The following OXA1L variants were observed in gnomAD, a reference collection of about 807,000 sequenced individuals.
OXA1L encodes the protein OXA1L mitochondrial inner membrane insertase.
Under a neutral mutation model 52.2 loss-of-function variants are expected in OXA1L, and 42 were observed. The ratio of observed to expected loss-of-function variants is 0.80; its 90% CI spans 0.63 to 1.04. The LOEUF (loss-of-function observed/expected upper bound fraction) is 1.04. Ranked by LOEUF, OXA1L falls within the 50% of genes least tolerant of loss-of-function variation. The pLI, the probability that OXA1L is intolerant of heterozygous loss-of-function variation, is 0.00. For missense variants in OXA1L, 572 were observed against 555.0 expected (o/e 1.03, Z -0.31); for synonymous variants, 239 against 201.9 (o/e 1.18, Z -1.56).
chr14:22,771,181 G>T lies in OXA1L; in HGVS notation c.1102+1G>T. On this transcript the variant is annotated splice_donor_variant, in intron 8 of 9. Coordinates refer to ENST00000612549, the MANE Select transcript of OXA1L (RefSeq NM_005015.5). LOFTEE classifies it high-confidence loss of function. ...GGCTTCCTAGAGAGCTTCAAAAAAG[G>T]TAAGGGCTCATCCTCTGTGAAAAAG... The T allele has an allele frequency of 1.2e-6, 2 of 1,614,118 alleles. No homozygotes were observed. Among genetic ancestry groups the T allele is most frequent in the Non-Finnish European group, 1.7e-6 (2 of 1,179,986 alleles).
chr14:22,772,576 T>TA lies in OXA1L; in HGVS notation c.*1019dup, dbSNP rs1242295234. ...TTCTATGCACATTTGGATTGCAGTC[T>TA]AGAGGTGTGGCTGATAAGTTGAATG... On this transcript the variant is annotated 3_prime_UTR_variant, in exon 10 of 10. Transcript: ENST00000612549. The TA allele has an allele frequency of 1.3e-5, 2 of 150,224 alleles. No individual in the cohort carries two copies. Among genetic ancestry groups the TA allele is most frequent in the Non-Finnish European group, 2.9e-5 (2 of 67,866 alleles). 9.3% of individuals were successfully genotyped at this position (150,224 alleles called of 1,614,324 possible). A position where few individuals can be genotyped will look rare whatever the true frequency, so the allele number is the denominator to read the frequency against.
chr14:22,770,747 GA>G, intron 6 of OXA1L, 57 bp from the exon 7 acceptor site: 1 of 1,561,232 alleles, frequency 6.4e-7, no homozygotes, highest in Non-Finnish European at 8.8e-7. Context: ...AGAGATTAGA[GA>G]CAGATTCACT....
chr14:22,770,088 TGGCCAGGGTTGGTTAGAAATTTCACA>T, intron 4 of OXA1L, 79 bp from the exon 5 acceptor site: 2 of 1,328,016 alleles, frequency 1.5e-6, no homozygotes, highest in South Asian at 2.4e-5. Flanking sequence ...TCCCAAGGAG[TGGCCAGGGTTGGTTAGAAATTTCACA>T]GGCCAGGTAG....
At position 22,766,688 on chromosome 14, in the gene OXA1L, C is replaced by T. The variant is rs141764826; in HGVS notation, c.-14C>T. On this transcript the variant is annotated 5_prime_UTR_variant, in exon 1 of 10. Coordinates refer to ENST00000612549, the MANE Select transcript of OXA1L (RefSeq NM_005015.5). ...TACTGCGCAGGCGCAAAAGCAAGTC[C>T]TCTTCCGGGCAAAATGGCGATGGGA... 6.1e-4 allele frequency: 992 copies of T among 1,614,274 alleles called. No homozygotes were observed. Among genetic ancestry groups the T allele is most frequent in the Non-Finnish European group, 7.5e-4 (886 of 1,180,050 alleles).
chr14:22,770,331 C>T, intron 5 of OXA1L, 53 bp downstream of exon 5: 2 of 1,526,192 alleles, frequency 1.3e-6, no homozygotes, highest in Non-Finnish European at 1.8e-6. Flanking sequence ...GAAATTTCCT[C>T]TCTGTGTTTC....
At chr14:22,766,896 C>G (rs1208616153) in intron 1 of OXA1L, 132 bp downstream of exon 1, 81 of 1,533,184 alleles carry the variant, frequency 5.3e-5, no homozygotes, top group Non-Finnish European at 6.8e-5. Flanking sequence ...GACCTCGGGT[C>G]ATGTGAGGAC....
rs772958344 is a variant in OXA1L at position 22,766,759 on chromosome 14, C to G, written c.58C>G (p.Arg20Gly). The G allele has an allele frequency of 3.7e-6, 6 of 1,614,178 alleles. No homozygotes were observed. The highest frequency in any genetic ancestry group is 5.1e-6 in the Non-Finnish European group (6 of 1,180,040). ...RELLRLLQSG[R>G]RVHSVAGPSQ... ...GCTTCTGCGCTTGCTACAGTCCGGGCGTCGGGTAAGGATGCCCCGGGGCAG... is the reference window on the plus strand; with the variant it reads ...GCTTCTGCGCTTGCTACAGTCCGGGGGTCGGGTAAGGATGCCCCGGGGCAG... Residue 20 changes from arginine (R) to glycine (G), a missense_variant, in exon 1 of 10, where the codon CGT (arginine) becomes GGT (glycine). Coordinates refer to ENST00000612549, the MANE Select transcript of OXA1L (RefSeq NM_005015.5).
intron 4 of OXA1L, 46 bp from the exon 5 acceptor site, chr14:22,770,147 C>A (rs961708070): frequency 4.9e-6 from 7 of 1,427,264 alleles, no homozygotes; most frequent in Non-Finnish European, 6.9e-6. Flanking sequence ...TTCACCTCCA[C>A]TGATGTAACT....
Position 22,766,694 on chromosome 14 carries a change from C to G in OXA1L, c.-8C>G. The G allele has an allele frequency of 1.2e-6, 2 of 1,614,280 alleles. No individual in the cohort carries two copies. The highest frequency in any genetic ancestry group is 1.7e-6 in the Non-Finnish European group (2 of 1,180,054). On this transcript the variant is annotated 5_prime_UTR_variant, in exon 1 of 10. Transcript: ENST00000612549. ...GCAGGCGCAAAAGCAAGTCCTCTTC[C>G]GGGCAAAATGGCGATGGGACTAATG...
At chr14:22,766,889 C>G in intron 1 of OXA1L, 125 bp downstream of exon 1, 14 of 1,544,526 alleles carry the variant, frequency 9.1e-6, no homozygotes, top group Non-Finnish European at 1.2e-5. Flanking sequence ...ATGTCATGAC[C>G]TCGGGTCATG....
chr14:22,767,331 T>C lies in OXA1L; in HGVS notation c.147T>C (p.Cys49=). ...RLLFPAAPCC[C]RPHYLFLAAS... ...TATTCCCAGCAGCCCCGTGCTGCTG[T>C]CGCCCACACTACCTCTTCCTTGCGG... Residue 49 remains cysteine (C), a synonymous_variant, in exon 2 of 10, where the codon TGT becomes TGC. Transcript: ENST00000612549. 2 of 1,613,884 alleles carry C rather than the reference T, an allele frequency of 1.2e-6. No individual in the cohort carries two copies. The highest frequency in any genetic ancestry group is 1.7e-6 in the Non-Finnish European group (2 of 1,179,912).
Position 22,771,270 on chromosome 14 carries a change from T to C in OXA1L, c.1105T>C (p.Trp369Arg). 6.2e-7 allele frequency: 1 copy of C among 1,614,110 alleles called. No homozygotes were observed. ...EGFLESFKKG[W>R]KNAEMTRQLR... is the part of the protein sequence containing the mutation. ...CTCTCTTGCTTCTCTTTACACAGGC[T>C]GGAAAAATGCTGAAATGACGCGTCA... The change falls in exon 9 of 10, where the codon TGG becomes CGG. Residue 369 changes from tryptophan to arginine, a missense_variant and splice_region_variant. Physicochemically the swap from Trp to Arg is moderately radical, Grantham distance 101. Transcript: ENST00000612549.
chr14:22,767,411 TA>T lies in OXA1L; in HGVS notation c.225+4del, dbSNP rs1372216767. On this transcript the variant is annotated splice_donor_region_variant and intron_variant, in intron 2 of 9. Coordinates refer to ENST00000612549, the MANE Select transcript of OXA1L (RefSeq NM_005015.5). Reference sequence around the variant, plus strand: ...GCTATCTCTTTTGCAGAAGTCCAGGTAAGAGGCCTTTCGTTCCTGCAATATT... The same window carrying T: ...GCTATCTCTTTTGCAGAAGTCCAGGTAGAGGCCTTTCGTTCCTGCAATATT... The T allele has an allele frequency of 6.3e-7, 1 of 1,592,140 alleles. No homozygotes were observed.
chr14:22,767,298 A>G lies in OXA1L; in HGVS notation c.114A>G (p.Thr38=). The part of the protein sequence containing the change: ...PSQWLGKPLT[T]RLLFPAAPCC... ...AATGGCTTGGGAAACCGCTGACCAC[A>G]CGGCTCCTATTCCCAGCAGCCCCGT... Residue 38 remains threonine (T), a synonymous_variant, in exon 2 of 10, where the codon ACA becomes ACG. Coordinates refer to ENST00000612549, the MANE Select transcript of OXA1L (RefSeq NM_005015.5). 1 of 1,613,364 alleles carries G rather than the reference A, an allele frequency of 6.2e-7. No homozygotes were observed. The highest frequency in any genetic ancestry group is 8.5e-7 in the Non-Finnish European group (1 of 1,179,818).
chr14:22,771,563 T>A lies in OXA1L; in HGVS notation c.*5T>A. The A allele has an allele frequency of 1.9e-6, 3 of 1,614,248 alleles. No individual in the cohort carries two copies. Among genetic ancestry groups the A allele is most frequent in the Non-Finnish European group, 1.7e-6 (2 of 1,180,012 alleles). ...TGGCACGACACACTTGGCTGACTTA[T>A]GTTCTGTGCGCATTCTGGCAGGAAT... On this transcript the variant is annotated 3_prime_UTR_variant, in exon 10 of 10. Transcript: ENST00000612549.
intron 8 of OXA1L, 23 bp downstream of exon 8, chr14:22,771,203 A>G (rs2038457500): frequency 6.2e-7 from 1 of 1,613,514 alleles, no homozygotes; most frequent in Non-Finnish European, 8.5e-7. Context: ...CCTCTGTGAA[A>G]AAGGACTAGG....
intron 1 of OXA1L, 184 bp downstream of exon 1, chr14:22,766,948 G>A: frequency 1.3e-6 from 2 of 1,517,040 alleles, no homozygotes; most frequent in Non-Finnish European, 8.8e-7. Context: ...CAGCAGCCCG[G>A]TGTCAGCTTC....
intron 6 of OXA1L, 53 bp from the exon 7 acceptor site, chr14:22,770,752 A>C: frequency 6.4e-7 from 1 of 1,565,512 alleles, no homozygotes; most frequent in Non-Finnish European, 8.8e-7. Context: ...TTAGAGACAG[A>C]TTCACTGAAA....
Position 22,771,582 on chromosome 14 carries a change from C to G in OXA1L, c.*24C>G. ...GACTTATGTTCTGTGCGCATTCTGG[C>G]AGGAATTCTGTCTCTTCAGAGACTC... On this transcript the variant is annotated 3_prime_UTR_variant, in exon 10 of 10. Transcript: ENST00000612549. 1 of 1,613,470 alleles carries G rather than the reference C, an allele frequency of 6.2e-7. No individual in the cohort carries two copies. Among genetic ancestry groups the G allele is most frequent in the Non-Finnish European group, 8.5e-7 (1 of 1,179,470 alleles).
Sources: allele counts gnomAD v4.1 joint callset, GRCh38; gene constraint gnomAD v4.1.1; transcripts MANE v1.5; gene names NCBI Gene and HGNC (gene_info 2026-07-23, HGNC 2026-07-21).